The following LEPR variants were observed in gnomAD, a reference collection of about 807,000 sequenced individuals.
LEPR encodes OB receptor.
A neutral mutation model predicts 114.7 loss-of-function variants in LEPR; 56 were observed. The ratio of observed to expected loss-of-function variants is 0.49; its 90% CI spans 0.39 to 0.61. The LOEUF is 0.61. Ranked by LOEUF, LEPR falls within the 20% of genes least tolerant of loss-of-function variation. LEPR has a pLI of 0.00. For synonymous variants in LEPR, 443 were observed against 461.4 expected, an observed-to-expected ratio of 0.96 and a Z score of 0.51; for missense variants, 1,202 against 1,352.9, an observed-to-expected ratio of 0.89 and a Z score of 1.75.
chr1:65,606,780 T>A (rs1656837935), intron 11 of LEPR, among the ~76,000 whole-genome samples: 1 of 152,184 alleles, frequency 6.6e-6, no homozygotes, highest in Non-Finnish European at 1.5e-5. Flanking sequence ...TGAAATACAG[T>A]ATATATCATC....
At chr1:65,448,815 G>A (rs1646744178) in intron 2 of LEPR, among the ~76,000 whole-genome samples, 1 of 152,168 alleles carries the variant, frequency 6.6e-6, no homozygotes, top group Non-Finnish European at 1.5e-5. Flanking sequence ...TGGTCATAAA[G>A]TTGTTCATAG....
Position 65,565,537 on chromosome 1 carries a change from C to T in LEPR, c.-20-9C>T. On this transcript the variant is annotated splice_polypyrimidine_tract_variant and intron_variant, in intron 2 of 19. Coordinates refer to ENST00000349533, the MANE Select transcript of LEPR (RefSeq NM_002303.6). ...GTGTGTGTTCTGATTTTAGATTTACCTTTTCCAGGTGTACTTCTCTGAAGT... is the reference window on the plus strand; with the variant it reads ...GTGTGTGTTCTGATTTTAGATTTACTTTTTCCAGGTGTACTTCTCTGAAGT... 1 of 1,613,228 alleles carries T rather than the reference C, an allele frequency of 6.2e-7. No individual in the cohort carries two copies. The highest frequency in any genetic ancestry group is 1.7e-5 in the Admixed American group (1 of 59,984).
At chr1:65,551,864 A>C (rs2100722525) in intron 2 of LEPR, among the ~76,000 whole-genome samples, 1 of 152,188 alleles carries the variant, frequency 6.6e-6, no homozygotes, top group South Asian at 2.1e-4. Flanking sequence ...TTTCCCTCTA[A>C]ACACCGCTTT....
At chr1:65,616,302 C>T in intron 15 of LEPR, 78 bp downstream of exon 15, 1 of 1,433,310 alleles carries the variant, frequency 7.0e-7, no homozygotes, top group South Asian at 1.2e-5. Flanking sequence ...TTTAAATTAT[C>T]TTTCAAGCAG....
At chr1:65,493,051 G>A (rs1179189005) in intron 2 of LEPR, among the ~76,000 whole-genome samples, 1 of 151,762 alleles carries the variant, frequency 6.6e-6, no homozygotes, top group African/African-American at 2.4e-5. Context: ...CTTCCATCCT[G>A]GAAAATCCTT....
chr1:65,453,395 C>T (rs1421767753), intron 2 of LEPR, among the ~76,000 whole-genome samples: 1 of 151,934 alleles, frequency 6.6e-6, no homozygotes, highest in African/African-American at 2.4e-5. Flanking sequence ...TGGATCTTTC[C>T]TGCTTTCTCT....
intron 2 of LEPR, among the ~76,000 whole-genome samples, chr1:65,487,740 G>T (rs1052715683): frequency 6.6e-6 from 1 of 151,448 alleles, no homozygotes; most frequent in Non-Finnish European, 1.5e-5. Context: ...TACATAATAG[G>T]TATATATATA....
At chr1:65,525,657 C>T (rs1190031299) in intron 2 of LEPR, 2 of 985,598 alleles carry the variant, frequency 2.0e-6, no homozygotes, top group Non-Finnish European at 2.4e-6. Flanking sequence ...ACGCACTCGG[C>T]TGCCCTCCTC....
intron 2 of LEPR, among the ~76,000 whole-genome samples, chr1:65,533,852 TATG>T (rs1557645062): frequency 6.6e-6 from 1 of 152,170 alleles, no homozygotes; most frequent in African/African-American, 2.4e-5. Context: ...GCCTATTTTG[TATG>T]ATATTGATAT....
Position 65,633,178 on chromosome 1 carries a change from C to A in LEPR, c.2674-3013C>A. 6.2e-7 allele frequency: 1 copy of A among 1,606,832 alleles called. No individual in the cohort carries two copies. Among genetic ancestry groups the A allele is most frequent in the Non-Finnish European group, 8.5e-7 (1 of 1,174,970 alleles). On this transcript the variant is annotated intron_variant, in intron 19 of 19. Coordinates refer to ENST00000349533, the MANE Select transcript of LEPR (RefSeq NM_002303.6). The surrounding 1 kb of genome is among the most constrained non-coding windows in gnomAD (Gnocchi z 4.1). ...GAACGGACATTCTTTGAAGTCTAAT[C>A]ATGATCACTACAGATGAACCCAATG...
chr1:65,471,767 C>T (rs1391870541), intron 2 of LEPR, among the ~76,000 whole-genome samples: 2 of 152,128 alleles, frequency 1.3e-5, no homozygotes, highest in Non-Finnish European at 2.9e-5. Flanking sequence ...TGGTCATGAG[C>T]TAGGGGAAGT....
intron 2 of LEPR, chr1:65,431,845 G>C: frequency 1.9e-6 from 3 of 1,614,104 alleles, no homozygotes; most frequent in Non-Finnish European, 2.5e-6. Flanking sequence ...AGGCAATGCA[G>C]TCATTTTCCT....
intron 2 of LEPR, among the ~76,000 whole-genome samples, chr1:65,555,639 A>G (rs1454793187): frequency 1.3e-5 from 2 of 152,152 alleles, no homozygotes; most frequent in Non-Finnish European, 2.9e-5. Flanking sequence ...TGTAATTATA[A>G]TTACCTTATG....
In LEPR at chr1:65,633,193, T is replaced by C; in HGVS notation, c.2674-2998T>C. 1.2e-6 allele frequency: 2 copies of C among 1,609,734 alleles called. No individual in the cohort carries two copies. Among genetic ancestry groups the C allele is most frequent in the South Asian group, 2.2e-5 (2 of 90,892 alleles). On this transcript the variant is annotated intron_variant, in intron 19 of 19. Transcript: ENST00000349533. The surrounding 1 kb of genome is among the most constrained non-coding windows in gnomAD (Gnocchi z 4.1). ...GAAGTCTAATCATGATCACTACAGATGAACCCAATGTGCCAACTTCCCAAC... is the reference window on the plus strand; with the variant it reads ...GAAGTCTAATCATGATCACTACAGACGAACCCAATGTGCCAACTTCCCAAC...
At chr1:65,582,280 G>T (rs1280707539) in intron 5 of LEPR, among the ~76,000 whole-genome samples, 1 of 152,206 alleles carries the variant, frequency 6.6e-6, no homozygotes, top group Non-Finnish European at 1.5e-5. Context: ...AGGAGTATCT[G>T]CTTCAGGGTC....
chr1:65,608,571 A>C (rs1363504202), intron 11 of LEPR, among the ~76,000 whole-genome samples, 182 bp from the exon 12 acceptor site: 1 of 152,206 alleles, frequency 6.6e-6, no homozygotes, highest in East Asian at 1.9e-4. Context: ...TGCGAAAAAG[A>C]GATAAATCCC....
intron 19 of LEPR, chr1:65,629,414 T>G (rs1172930406): frequency 2.4e-6 from 1 of 424,508 alleles, no homozygotes; most frequent in East Asian, 7.7e-5. Context: ...TGAATTTGCA[T>G]TGTTATGATT....
chr1:65,570,787 G>T lies in LEPR; in HGVS notation c.355G>T (p.Val119Phe), dbSNP rs1194605506. The change falls in exon 4 of 20, where the codon GTT becomes TTT. Residue 119 changes from valine (V) to phenylalanine (F), a missense_variant. Transcript: ENST00000349533. ...ATTTGTTTCAACAGTAAATTCTTTA[G>T]TTTTTCAACAAATAGGTAAGCATTA... ...KTFVSTVNSL[V>F]FQQIDANWNI... is the part of the protein sequence containing the mutation. The T allele has an allele frequency of 6.4e-7, 1 of 1,556,548 alleles. No homozygotes were observed.
chr1:65,614,144 C>G (rs1433384553), intron 14 of LEPR, among the ~76,000 whole-genome samples: 1 of 152,154 alleles, frequency 6.6e-6, no homozygotes, highest in Non-Finnish European at 1.5e-5. Context: ...TAGAAACTTG[C>G]ACATGAATGT....
Sources: gnomAD v4.1 joint callset for allele counts (sites outside exome capture counted in the v4.1 genomes callset) on GRCh38, gnomAD v4.1.1 for gene constraint, Gnocchi (gnomAD v3.1) non-coding constraint, MANE v1.5 for transcripts, NCBI Gene and HGNC (gene_info 2026-07-23, HGNC 2026-07-21) for gene names.